The following KIRREL3 variants were observed in gnomAD, a reference collection of about 807,000 sequenced individuals.
The protein encoded by KIRREL3 is kirre like nephrin family adhesion molecule 3.
Under a neutral mutation model 89.7 loss-of-function variants are expected in KIRREL3, and 36 were observed. The ratio of observed to expected loss-of-function variants is 0.40; its 90% CI spans 0.31 to 0.53. KIRREL3 has a LOEUF of 0.53. KIRREL3 is among the 20% of genes least tolerant of loss of function. The pLI is 0.49. For synonymous variants in KIRREL3, 445 were observed against 441.4 expected (o/e 1.01, Z -0.10); for missense variants, 864 against 1,056.6 (o/e 0.82, Z 2.53).
At position 126,985,274 on chromosome 11, in the gene KIRREL3, A is replaced by G. The variant is rs1036697008; in HGVS notation, c.55+15181T>C. Among the ~76,000 whole-genome samples, 1 of 152,142 alleles carries G rather than the reference A, an allele frequency of 6.6e-6. No homozygotes were observed. Among genetic ancestry groups the G allele is most frequent in the African/African-American group, 2.4e-5 (1 of 41,416 alleles). On this transcript the variant is annotated intron_variant, in intron 1 of 16. Transcript: ENST00000525144. The surrounding 1 kb of genome is among the most constrained non-coding windows in gnomAD (Gnocchi z 5.3). ...CCCTGACACATTATGCTCTTTTCCCATGTAAGAAATACTGATTGTATCTGA... is the reference window on the plus strand; with the variant it reads ...CCCTGACACATTATGCTCTTTTCCCGTGTAAGAAATACTGATTGTATCTGA...
rs535946592 is a variant in KIRREL3, at chr11:126,943,347, C to T, written c.55+57108G>A. Among the ~76,000 whole-genome samples, 1 of 152,136 alleles carries T rather than the reference C, an allele frequency of 6.6e-6. No individual in the cohort carries two copies. The highest frequency in any genetic ancestry group is 2.1e-4 in the South Asian group (1 of 4,822). Reference sequence around the variant, plus strand: ...CATCTCCACCACGGAACGCCTTACTCCTGGAACTAATCACAGCATTTCTCT... The same window carrying T: ...CATCTCCACCACGGAACGCCTTACTTCTGGAACTAATCACAGCATTTCTCT... On this transcript the variant is annotated intron_variant, in intron 1 of 16. Coordinates refer to ENST00000525144, the MANE Select transcript of KIRREL3 (RefSeq NM_032531.4). The surrounding 1 kb of genome is among the most constrained non-coding windows in gnomAD (Gnocchi z 4.2).
At chr11:126,979,542 G>A (rs761015652) in intron 1 of KIRREL3, among the ~76,000 whole-genome samples, 18 of 152,326 alleles carry the variant, frequency 1.2e-4, no homozygotes, top group African/African-American at 4.1e-4. Flanking sequence ...TTTGGCTGAC[G>A]CAGAGAGGTG....
At chr11:126,809,422 C>A (rs74912100) in intron 1 of KIRREL3, among the ~76,000 whole-genome samples, 10,304 of 152,176 alleles carry the variant, frequency 0.068, 485 homozygotes, top group Middle Eastern at 0.14. Context: ...GACCGTGCCC[C>A]CCAAGGATAT....
chr11:126,703,480 A>G lies in KIRREL3; in HGVS notation c.56-140568T>C, dbSNP rs143456411. 2.6e-5 allele frequency among the ~76,000 whole-genome samples: 4 copies of G among 152,332 alleles called. No homozygotes were observed. Among genetic ancestry groups the G allele is most frequent in the African/African-American group, 9.6e-5 (4 of 41,572 alleles). The stretch of plus-strand genomic sequence containing the variant: ...TACATTTTATCCTCCCCTCCACCCT[A>G]TATCAGGTAAGTACTGTTATATCTC... On this transcript the variant is annotated intron_variant, in intron 1 of 16. Transcript: ENST00000525144. The surrounding 1 kb of genome is among the most constrained non-coding windows in gnomAD (Gnocchi z 4.6).
chr11:126,921,582 CTATCTATCTATCTAT>C (rs1947296382), intron 1 of KIRREL3, among the ~76,000 whole-genome samples: 1 of 14,176 alleles, frequency 7.1e-5, no homozygotes, highest in African/African-American at 6.8e-4. Flanking sequence ...TATCTGTCTT[CTATCTATCTATCTAT>C]CTATCTATCT....
At chr11:126,616,078 C>T (rs558492337) in intron 1 of KIRREL3, among the ~76,000 whole-genome samples, 5 of 152,284 alleles carry the variant, frequency 3.3e-5, no homozygotes, top group Admixed American at 6.5e-5. Context: ...GCCGAGCATA[C>T]GTGGCAGAGG....
In KIRREL3 at chr11:126,528,792, G is replaced by A. The variant is rs1317225643; in HGVS notation, c.134-2105C>T. 3.4e-5 allele frequency among the ~76,000 whole-genome samples: 5 copies of A among 145,668 alleles called. No individual in the cohort carries two copies. In the East Asian group the frequency reaches 1.1e-3, roughly 32 times the overall value. ...GCAAAGGAGTGAAGTGAGGACGTGG[G>A]AGAGAAGAGGAGAGGGAGAGGAAGA... On this transcript the variant is annotated intron_variant, in intron 2 of 16. Coordinates refer to ENST00000525144, the MANE Select transcript of KIRREL3 (RefSeq NM_032531.4). This position sits in a 1 kb window ranked among gnomAD's most constrained non-coding sequence, Gnocchi z 4.6.
intron 2 of KIRREL3, among the ~76,000 whole-genome samples, chr11:126,559,510 C>A (rs1939952066): frequency 6.6e-6 from 1 of 152,140 alleles, no homozygotes; most frequent in African/African-American, 2.4e-5. Context: ...ATGATAGGTG[C>A]CACTCGATAC....
At chr11:126,815,835 G>A (rs1489041009) in intron 1 of KIRREL3, among the ~76,000 whole-genome samples, 1 of 151,904 alleles carries the variant, frequency 6.6e-6, no homozygotes, top group Non-Finnish European at 1.5e-5. Context: ...GTGCCCGGCC[G>A]AGCTATTATT....
intron 4 of KIRREL3, among the ~76,000 whole-genome samples, chr11:126,518,097 T>TC (rs1451616443): frequency 6.6e-6 from 1 of 152,142 alleles, no homozygotes; most frequent in Non-Finnish European, 1.5e-5. Context: ...CCCCCGTCTT[T>TC]CCCTCCTCAT....
In KIRREL3 at chr11:126,655,130, C is replaced by G. The variant is rs1224957261; in HGVS notation, c.56-92218G>C. Among the ~76,000 whole-genome samples the G allele has an allele frequency of 6.6e-6, 1 of 152,214 alleles. No homozygotes were observed. The highest frequency in any genetic ancestry group is 1.5e-5 in the Non-Finnish European group (1 of 68,042). On this transcript the variant is annotated intron_variant, in intron 1 of 16. Transcript: ENST00000525144. This position sits in a 1 kb window ranked among gnomAD's most constrained non-coding sequence, Gnocchi z 5.0. ...TGTTGGTGGCTGTGATTTGGCAGCT[C>G]TGCCGAAGATTTGTGAGATGGAGAA... is the stretch of plus-strand genomic sequence containing the variant.
intron 1 of KIRREL3, among the ~76,000 whole-genome samples, chr11:126,949,590 A>G (rs1471862591): frequency 6.6e-6 from 1 of 152,210 alleles, no homozygotes; most frequent in East Asian, 1.9e-4. Context: ...CTCTCCATTC[A>G]GCCATCAACA....
intron 4 of KIRREL3, among the ~76,000 whole-genome samples, chr11:126,505,011 G>A (rs898132743): frequency 2.0e-5 from 3 of 152,048 alleles, no homozygotes; most frequent in Non-Finnish European, 4.4e-5. Flanking sequence ...TCCTCAACCT[G>A]ATATAGGTCA....
rs200054144 is a variant in KIRREL3, at chr11:126,484,813, A to AT, written c.434-11348dup. Among the ~76,000 whole-genome samples, 449 of 139,700 alleles carry AT rather than the reference A, an allele frequency of 3.2e-3. No homozygotes were observed. Among genetic ancestry groups the AT allele is most frequent in the Middle Eastern group, 0.011 (3 of 266 alleles). The allele number at this position is 139,700 out of a possible 152,430, so 91.6% of individuals were successfully genotyped here. A position where few individuals can be genotyped will look rare whatever the true frequency, so the allele number is the denominator to read the frequency against. ...AGATGTGGGGCAAGATGCAAATGGG[A>AT]TTTTTTTTTTTTTTTTTCTGAGACG... On this transcript the variant is annotated intron_variant, in intron 4 of 16. Coordinates refer to ENST00000525144, the MANE Select transcript of KIRREL3 (RefSeq NM_032531.4). This position sits in a 1 kb window ranked among gnomAD's most constrained non-coding sequence, Gnocchi z 5.2.
chr11:126,727,899 C>T (rs761940684), intron 1 of KIRREL3, among the ~76,000 whole-genome samples: 6 of 151,912 alleles, frequency 3.9e-5, no homozygotes, highest in Non-Finnish European at 5.9e-5. Flanking sequence ...GGATCAGAAG[C>T]CCTGGGTCCC....
rs1950774636 is a variant in KIRREL3, at chr11:126,795,372, T to C, written c.55+205083A>G. ...GGACGTACATATAAATTTTATTTTA[T>C]TTTACTTTATTTTTTGAGACAGAGT... On this transcript the variant is annotated intron_variant, in intron 1 of 16. Transcript: ENST00000525144. The surrounding 1 kb of genome is among the most constrained non-coding windows in gnomAD (Gnocchi z 4.1). 6.6e-6 allele frequency among the ~76,000 whole-genome samples: 1 copy of C among 152,136 alleles called. No homozygotes were observed. Among genetic ancestry groups the C allele is most frequent in the Non-Finnish European group, 1.5e-5 (1 of 68,032 alleles).
rs1955932448 is a variant in KIRREL3 at position 126,449,139 on chromosome 11, C to A, written c.867G>T (p.Gln289His). 1 of 1,613,842 alleles carries A rather than the reference C, an allele frequency of 6.2e-7. No homozygotes were observed. ...VTQYRWAKRG[Q>H]IIKEASGEVY... ...CCTCTCCAGATGCCTCCTTGATGATCTGGCCCCGCTTGGCCCACCTGCAAC... is the reference window on the plus strand; with the variant it reads ...CCTCTCCAGATGCCTCCTTGATGATATGGCCCCGCTTGGCCCACCTGCAAC... Residue 289 changes from glutamine (Q) to histidine (H), a missense_variant, in exon 8 of 17, where the codon CAG becomes CAT. Transcript: ENST00000525144.
intron 1 of KIRREL3, among the ~76,000 whole-genome samples, chr11:126,915,742 T>A (rs1947011356): frequency 6.6e-6 from 1 of 152,258 alleles, no homozygotes; most frequent in Non-Finnish European, 1.5e-5. Flanking sequence ...AGCTGATAAC[T>A]GTTTTAGTCA....
chr11:126,982,364 C>T (rs1307347914), intron 1 of KIRREL3, among the ~76,000 whole-genome samples: 1 of 152,224 alleles, frequency 6.6e-6, no homozygotes, highest in Non-Finnish European at 1.5e-5. Context: ...GCCTTCAGGC[C>T]TAACAGCCTC....
Sources: allele counts gnomAD v4.1 joint callset (sites outside exome capture counted in the v4.1 genomes callset), GRCh38; gene constraint gnomAD v4.1.1; non-coding constraint Gnocchi (gnomAD v3.1); transcripts MANE v1.5; gene names NCBI Gene and HGNC (gene_info 2026-07-23, HGNC 2026-07-21).